CRYL1: variants seen among roughly 807,000 people sequenced by gnomAD.
CRYL1 encodes crystallin lambda 1, also known as lambda-crystallin homolog.
CRYL1 carries 29 observed loss-of-function variants against 36.6 expected under a neutral mutation model. The observed-to-expected ratio is 0.79, with a 90% CI of 0.59 to 1.08. The LOEUF is 1.08. Ranked by LOEUF, CRYL1 falls within the 50% of genes least tolerant of loss-of-function variation. The pLI is 0.00. For missense variants in CRYL1, 411 were observed against 407.9 expected (o/e 1.01, Z -0.06); for synonymous variants, 152 against 151.5 (o/e 1.00, Z -0.02).
intron 1 of CRYL1, among the ~76,000 whole-genome samples, chr13:20,518,408 CTCAAAGAG>C (rs1273612261): frequency 1.3e-5 from 2 of 152,190 alleles, no homozygotes; most frequent in African/African-American, 4.8e-5. Context: ...ACAAGTGTTC[CTCAAAGAG>C]TCTGTTTGCC....
intron 3 of CRYL1, among the ~76,000 whole-genome samples, chr13:20,442,016 T>A (rs1339035598): frequency 6.6e-6 from 1 of 152,258 alleles, no homozygotes; most frequent in Non-Finnish European, 1.5e-5. Flanking sequence ...CTACAGTAGC[T>A]GGCTCATTGT....
At chr13:20,432,996 T>C (rs932763286) in intron 4 of CRYL1, among the ~76,000 whole-genome samples, 1 of 152,162 alleles carries the variant, frequency 6.6e-6, no homozygotes, top group South Asian at 2.1e-4. Flanking sequence ...CCAGCCTAGG[T>C]GACAGTGCCA....
intron 3 of CRYL1, among the ~76,000 whole-genome samples, chr13:20,445,467 A>C (rs2137410208): frequency 6.6e-6 from 1 of 152,296 alleles, no homozygotes; most frequent in South Asian, 2.1e-4. Flanking sequence ...ACTTGGTCTC[A>C]ATTTATCTCA....
At chr13:20,497,456 T>TATACACACCACACACACCACC (rs751602204) in intron 2 of CRYL1, among the ~76,000 whole-genome samples, 67 of 2,518 alleles carry the variant, frequency 0.027, 4 homozygotes, top group Middle Eastern at 0.25. Context: ...ACACACCACA[T>TATACACACCACACACACCACC]ATACACACTA....
chr13:20,517,295 GT>G (rs2034016652), intron 1 of CRYL1, among the ~76,000 whole-genome samples: 1 of 152,110 alleles, frequency 6.6e-6, no homozygotes, highest in Non-Finnish European at 1.5e-5. Context: ...ATTGCAAATT[GT>G]TTTTGGATTT....
chr13:20,436,652 A>C (rs2032224607), intron 4 of CRYL1, among the ~76,000 whole-genome samples: 1 of 152,146 alleles, frequency 6.6e-6, no homozygotes, highest in African/African-American at 2.4e-5. Context: ...CTGCGCTGGG[A>C]GTACGAGCCC....
intron 2 of CRYL1, among the ~76,000 whole-genome samples, chr13:20,503,976 T>C (rs2033748051): frequency 6.6e-6 from 1 of 152,184 alleles, no homozygotes; most frequent in Non-Finnish European, 1.5e-5. Flanking sequence ...GATTCACTTT[T>C]AGGTGGAGCT....
intron 3 of CRYL1, among the ~76,000 whole-genome samples, chr13:20,479,736 C>A (rs1022456921): frequency 6.6e-6 from 1 of 152,120 alleles, no homozygotes; most frequent in Non-Finnish European, 1.5e-5. Flanking sequence ...ATGTCTTCCT[C>A]TTTGTAGCAT....
intron 3 of CRYL1, among the ~76,000 whole-genome samples, chr13:20,458,998 G>A (rs184990432): frequency 1.1e-4 from 17 of 152,318 alleles, no homozygotes; most frequent in Admixed American, 9.2e-4. Context: ...CACTTTGGGA[G>A]GCCGAGGCGG....
chr13:20,496,589 C>A (rs1376299993), intron 2 of CRYL1, among the ~76,000 whole-genome samples: 1 of 152,070 alleles, frequency 6.6e-6, no homozygotes, highest in Admixed American at 6.6e-5. Flanking sequence ...CTTAGTAAAA[C>A]CAGGCTAATA....
intron 5 of CRYL1, among the ~76,000 whole-genome samples, chr13:20,419,690 G>A (rs962435797): frequency 6.6e-6 from 1 of 152,190 alleles, no homozygotes; most frequent in African/African-American, 2.4e-5. Flanking sequence ...TGAGATTACA[G>A]GTGTGAGCCA....
intron 2 of CRYL1, among the ~76,000 whole-genome samples, chr13:20,503,321 A>T (rs1239897158): frequency 6.6e-6 from 1 of 152,050 alleles, no homozygotes; most frequent in Non-Finnish European, 1.5e-5. Flanking sequence ...CACGGGCTTT[A>T]ATAATTTTGG....
chr13:20,497,704 C>A (rs1237891498), intron 2 of CRYL1, among the ~76,000 whole-genome samples: 1 of 150,120 alleles, frequency 6.7e-6, no homozygotes, highest in African/African-American at 2.5e-5. Flanking sequence ...CACATATATG[C>A]CCTACACACA....
chr13:20,483,879 C>T (rs1003076661), intron 3 of CRYL1, among the ~76,000 whole-genome samples: 5 of 151,850 alleles, frequency 3.3e-5, no homozygotes, highest in South Asian at 2.1e-4. Context: ...TGCAGTGGCG[C>T]GATCTTGGCT....
chr13:20,456,853 C>CA (rs2032704334), intron 3 of CRYL1, among the ~76,000 whole-genome samples: 1 of 114,306 alleles, frequency 8.7e-6, no homozygotes, highest in African/African-American at 3.2e-5. Flanking sequence ...CTCTGAACAG[C>CA]AGAGGGAAGT....
intron 5 of CRYL1, among the ~76,000 whole-genome samples, chr13:20,420,702 T>TTTTTTTTTTTTTTTTGTGG (rs377096169): frequency 1.1e-5 from 1 of 93,230 alleles, no homozygotes; most frequent in Non-Finnish European, 2.1e-5. Flanking sequence ...AAATAGAGGT[T>TTTTTTTTTTTTTTTTGTGG]GTGTGTGTGT....
chr13:20,429,104 C>T (rs2031997038), intron 5 of CRYL1, among the ~76,000 whole-genome samples: 1 of 152,322 alleles, frequency 6.6e-6, no homozygotes, highest in Admixed American at 6.5e-5. Context: ...GGCTCAGGAG[C>T]CAGGCACTCC....
intron 6 of CRYL1, among the ~76,000 whole-genome samples, chr13:20,408,131 A>T (rs1253990794): frequency 6.6e-6 from 1 of 152,204 alleles, no homozygotes; most frequent in African/African-American, 2.4e-5. Context: ...GAGCGACATT[A>T]TCTCATTCCT....
intron 4 of CRYL1, among the ~76,000 whole-genome samples, chr13:20,438,120 T>C (rs952490019): frequency 1.3e-5 from 2 of 152,200 alleles, no homozygotes; most frequent in African/African-American, 2.4e-5. Context: ...AGCCTCCTTA[T>C]TTTATAACCA....
Sources: allele counts gnomAD v4.1 joint callset (sites outside exome capture counted in the v4.1 genomes callset), GRCh38; gene constraint gnomAD v4.1.1; transcripts MANE v1.5; gene names NCBI Gene and HGNC (gene_info 2026-07-23, HGNC 2026-07-21).